Variants in CDH12 observed in about 807,000 individuals in gnomAD.
CDH12 encodes the protein cadherin 12, also known as cadherin-12.
Under a neutral mutation model 74.1 loss-of-function variants are expected in CDH12, and 41 were observed. The ratio of observed to expected loss-of-function variants is 0.55; its 90% CI spans 0.43 to 0.72. The LOEUF (loss-of-function observed/expected upper bound fraction) is 0.72, where lower values mean the gene tolerates loss of function less well. Ranked by LOEUF, CDH12 falls within the 30% of genes least tolerant of loss-of-function variation. CDH12 has a pLI of 0.00. For missense variants in CDH12, 945 were observed against 977.2 expected, an observed-to-expected ratio of 0.97 and a Z score of 0.44; for synonymous variants, 399 against 355.0, an observed-to-expected ratio of 1.12 and a Z score of -1.39.
At chr5:21,841,864 G>C (rs1455667149) in intron 8 of CDH12, among the ~76,000 whole-genome samples, 2 of 122,340 alleles carry the variant, frequency 1.6e-5, no homozygotes, top group Admixed American at 9.1e-5. Context: ...GTTGTGGGGT[G>C]GGGGGAGGGG....
chr5:22,165,498 A>G (rs1485360801), intron 4 of CDH12, among the ~76,000 whole-genome samples: 1 of 50,842 alleles, frequency 2.0e-5, no homozygotes, highest in Admixed American at 3.0e-4. Flanking sequence ...ATACACATAC[A>G]CATACACACA....
At chr5:22,597,501 T>C (rs1736658547) in intron 1 of CDH12, among the ~76,000 whole-genome samples, 1 of 152,188 alleles carries the variant, frequency 6.6e-6, no homozygotes, top group South Asian at 2.1e-4. Context: ...GGACTCATCT[T>C]CCTTCCCCAC....
chr5:22,818,030 T>C (rs916935734), intron 1 of CDH12, among the ~76,000 whole-genome samples: 1 of 152,136 alleles, frequency 6.6e-6, no homozygotes, highest in Non-Finnish European at 1.5e-5. Context: ...TACTTAAAAA[T>C]AGAATATAAA....
intron 6 of CDH12, among the ~76,000 whole-genome samples, chr5:21,861,900 G>GT (rs1491420845): frequency 2.6e-3 from 4 of 1,554 alleles, no homozygotes; most frequent in African/African-American, 2.8e-3. Flanking sequence ...GTCATTTCTA[G>GT]TGTGTGTGTG....
chr5:22,191,640 C>T (rs1222443459), intron 4 of CDH12, among the ~76,000 whole-genome samples: 1 of 33,904 alleles, frequency 2.9e-5, no homozygotes, highest in Non-Finnish European at 8.2e-5. Flanking sequence ...TCTCGGCTCA[C>T]TGCAAGCTCC....
intron 3 of CDH12, among the ~76,000 whole-genome samples, chr5:22,235,566 G>A (rs1421812025): frequency 7.9e-6 from 1 of 126,136 alleles, no homozygotes; most frequent in Non-Finnish European, 1.7e-5. Context: ...GGGTGACAGA[G>A]AGAGACTGTT....
At chr5:22,607,493 C>A (rs1291402365) in intron 1 of CDH12, among the ~76,000 whole-genome samples, 1 of 152,280 alleles carries the variant, frequency 6.6e-6, no homozygotes, top group East Asian at 1.9e-4. Flanking sequence ...AAAGCGGAGA[C>A]CCCTGATAAA....
At chr5:22,552,004 T>G (rs1738596524) in intron 1 of CDH12, among the ~76,000 whole-genome samples, 1 of 152,140 alleles carries the variant, frequency 6.6e-6, no homozygotes, top group Non-Finnish European at 1.5e-5. Context: ...CAATATCTCT[T>G]TAAATGTAAG....
chr5:21,859,953 A>G (rs778596160), intron 6 of CDH12, among the ~76,000 whole-genome samples: 7 of 151,886 alleles, frequency 4.6e-5, no homozygotes, highest in Non-Finnish European at 7.4e-5. Context: ...CAACCACCCA[A>G]TCCAGGCAGA....
chr5:22,623,518 T>C (rs1471170237), intron 1 of CDH12, among the ~76,000 whole-genome samples: 1 of 151,986 alleles, frequency 6.6e-6, no homozygotes, highest in Non-Finnish European at 1.5e-5. Flanking sequence ...TATACACCAA[T>C]AACAGACAAA....
At chr5:22,319,129 T>C (rs1227724169) in intron 3 of CDH12, among the ~76,000 whole-genome samples, 2 of 152,156 alleles carry the variant, frequency 1.3e-5, no homozygotes, top group East Asian at 3.9e-4. Flanking sequence ...GATTTTTAGA[T>C]TTAAAGCAAA....
chr5:22,691,073 CT>C (rs1742058760), intron 1 of CDH12, among the ~76,000 whole-genome samples: 1 of 151,972 alleles, frequency 6.6e-6, no homozygotes, highest in Non-Finnish European at 1.5e-5. Context: ...TATTTTTTTC[CT>C]TAGCAATTGC....
intron 4 of CDH12, among the ~76,000 whole-genome samples, chr5:22,088,153 G>C (rs1743187905): frequency 6.6e-6 from 1 of 152,184 alleles, no homozygotes; most frequent in African/African-American, 2.4e-5. Context: ...ATTCTACACA[G>C]CAAAGCAGCA....
intron 1 of CDH12, among the ~76,000 whole-genome samples, chr5:22,801,714 G>T (rs1212680291): frequency 6.3e-5 from 8 of 126,436 alleles, no homozygotes; most frequent in South Asian, 2.7e-4. Flanking sequence ...GAACACATAA[G>T]ATTTTAAATG....
In CDH12 at chr5:22,317,374, C is replaced by T. The variant is rs149426591; in HGVS notation, c.-333+87883G>A. On this transcript the variant is annotated intron_variant, in intron 3 of 14. Transcript: ENST00000382254. Reference sequence around the variant, plus strand: ...ATTTTATTACAGATATTATTTGTACCTTCTAATTGAAAGAAAACATATTCA... The same window carrying T: ...ATTTTATTACAGATATTATTTGTACTTTCTAATTGAAAGAAAACATATTCA... 4.0e-3 allele frequency among the ~76,000 whole-genome samples: 612 copies of T among 151,916 alleles called. 2 individuals carry two copies. Among genetic ancestry groups the T allele is most frequent in the African/African-American group, 0.013 (558 of 41,468 alleles).
intron 6 of CDH12, among the ~76,000 whole-genome samples, chr5:21,900,116 G>T (rs1753315146): frequency 6.6e-6 from 1 of 152,038 alleles, no homozygotes; most frequent in South Asian, 2.1e-4. Flanking sequence ...TGAATAATTT[G>T]GATCTTCAAT....
chr5:22,586,379 C>T (rs1020482478), intron 1 of CDH12, among the ~76,000 whole-genome samples: 7 of 151,772 alleles, frequency 4.6e-5, no homozygotes, highest in Non-Finnish European at 7.4e-5. Flanking sequence ...AGGAGACATA[C>T]CTAATGTAAA....
chr5:22,482,141 G>A (rs558794987), intron 2 of CDH12, among the ~76,000 whole-genome samples: 11 of 152,144 alleles, frequency 7.2e-5, no homozygotes, highest in African/African-American at 1.9e-4. Context: ...ACCCATGAAC[G>A]TTAAAATGAG....
At chr5:22,526,700 G>T (rs1484326902) in intron 1 of CDH12, among the ~76,000 whole-genome samples, 2 of 152,146 alleles carry the variant, frequency 1.3e-5, no homozygotes, top group South Asian at 2.1e-4. Context: ...GATATGGTGG[G>T]AATCACTCCT....
Sources: gnomAD v4.1 joint callset for allele counts (sites outside exome capture counted in the v4.1 genomes callset) on GRCh38, gnomAD v4.1.1 for gene constraint, MANE v1.5 for transcripts, NCBI Gene and HGNC (gene_info 2026-07-23, HGNC 2026-07-21) for gene names.